The following FGD4 variants were observed in gnomAD, a reference collection of about 807,000 sequenced individuals.
FGD4 encodes the protein FYVE, RhoGEF and PH domain containing 4.
FGD4 carries 42 observed loss-of-function variants against 102.0 expected under a neutral mutation model. The ratio of observed to expected loss-of-function variants is 0.41; its 90% CI spans 0.32 to 0.53. FGD4 has a LOEUF of 0.53. Ranked by LOEUF, FGD4 falls within the 20% of genes least tolerant of loss-of-function variation. The probability of loss-of-function intolerance (pLI) is 0.21; values close to 1 mark genes in which losing one functional copy is unlikely to be tolerated. For synonymous variants in FGD4, 380 were observed against 375.7 expected, an observed-to-expected ratio of 1.01 and a Z score of -0.13; for missense variants, 902 against 1,078.2, an observed-to-expected ratio of 0.84 and a Z score of 2.29.
intron 1 of FGD4, among the ~76,000 whole-genome samples, chr12:32,455,436 G>C (rs1346604367): frequency 6.6e-6 from 1 of 151,874 alleles, no homozygotes; most frequent in Non-Finnish European, 1.5e-5. Flanking sequence ...ATAGATTTTG[G>C]AATATTATAT....
chr12:32,436,702 A>G (rs1942241338), intron 1 of FGD4, among the ~76,000 whole-genome samples: 1 of 152,180 alleles, frequency 6.6e-6, no homozygotes, highest in Admixed American at 6.5e-5. Flanking sequence ...CAATTTGGTT[A>G]TGACACTAGG....
chr12:32,588,715 AAG>A (rs946134980), intron 4 of FGD4, among the ~76,000 whole-genome samples: 2 of 152,320 alleles, frequency 1.3e-5, no homozygotes, highest in East Asian at 3.9e-4. Flanking sequence ...GAATTCAAGA[AAG>A]AGAAAAAGCA....
intron 11 of FGD4, among the ~76,000 whole-genome samples, chr12:32,622,950 A>G (rs1385284592): frequency 1.3e-5 from 2 of 152,210 alleles, no homozygotes; most frequent in African/African-American, 4.8e-5. Context: ...AGAGTGCCAT[A>G]GGAATTATGT....
chr12:32,418,778 GT>G (rs1295933280), intron 1 of FGD4, among the ~76,000 whole-genome samples: 1 of 152,212 alleles, frequency 6.6e-6, no homozygotes, highest in Non-Finnish European at 1.5e-5. Flanking sequence ...AGCCAGCCAG[GT>G]TTGTGCCCTT....
Position 32,640,698 on chromosome 12 carries a change from G to A in FGD4, c.*165G>A, listed in dbSNP as rs1951118652. Reference sequence around the variant, plus strand: ...TGTTTATGTACTCTTAGTGAAATTAGTGTGCAGAGTCATTCTACCGATAAA... The same window carrying A: ...TGTTTATGTACTCTTAGTGAAATTAATGTGCAGAGTCATTCTACCGATAAA... On this transcript the variant is annotated 3_prime_UTR_variant, in exon 17 of 17. Transcript: ENST00000534526. 1.1e-5 allele frequency: 10 copies of A among 929,096 alleles called. No individual in the cohort carries two copies. The South Asian group carries it at 1.6e-4, about 15-fold the overall frequency. The allele number at this position is 929,096 out of a possible 1,614,324, so 57.6% of individuals were successfully genotyped here.
At chr12:32,575,697 A>G (rs549118546) in intron 2 of FGD4, among the ~76,000 whole-genome samples, 1 of 152,340 alleles carries the variant, frequency 6.6e-6, no homozygotes, top group South Asian at 2.1e-4. Flanking sequence ...TGAGAGAACT[A>G]TAAAGTATAA....
chr12:32,502,355 A>G (rs905934733), intron 1 of FGD4: 2 of 985,080 alleles, frequency 2.0e-6, no homozygotes, highest in Non-Finnish European at 2.4e-6. Flanking sequence ...AACCCTAGTA[A>G]TATGTATCCA....
chr12:32,450,023 C>T (rs1942729405), intron 1 of FGD4, among the ~76,000 whole-genome samples: 1 of 152,134 alleles, frequency 6.6e-6, no homozygotes, highest in South Asian at 2.1e-4. Flanking sequence ...ACCTCCGTCT[C>T]CCTGGTTCAA....
At chr12:32,477,480 G>C (rs905443988) in intron 1 of FGD4, 19 of 152,372 alleles carry the variant, frequency 1.2e-4, no homozygotes, top group Non-Finnish European at 4.4e-5. Context: ...ACCATTGGAA[G>C]AAATTTTAAA....
intron 1 of FGD4, among the ~76,000 whole-genome samples, chr12:32,435,530 A>G (rs569575463): frequency 1.1e-5 from 1 of 89,294 alleles, no homozygotes; most frequent in Non-Finnish European, 2.1e-5. Context: ...TTAAATGACT[A>G]AGTTGGAATT....
chr12:32,438,083 G>A (rs1942294202), intron 1 of FGD4, among the ~76,000 whole-genome samples: 1 of 152,184 alleles, frequency 6.6e-6, no homozygotes, highest in Non-Finnish European at 1.5e-5. Flanking sequence ...GTAGAGACTG[G>A]GTTTCGCTGT....
intron 1 of FGD4, among the ~76,000 whole-genome samples, chr12:32,546,616 G>A (rs182050145): frequency 1.3e-3 from 194 of 152,204 alleles, no homozygotes; most frequent in African/African-American, 4.5e-3. Flanking sequence ...CCCTGAGGAG[G>A]TTTGGGTCAG....
At chr12:32,520,793 C>A (rs1940461638) in intron 1 of FGD4, among the ~76,000 whole-genome samples, 1 of 152,032 alleles carries the variant, frequency 6.6e-6, no homozygotes, top group South Asian at 2.1e-4. Context: ...CTAACTCTTA[C>A]CTACATTGTG....
chr12:32,605,727 C>T (rs1330221833), intron 7 of FGD4, among the ~76,000 whole-genome samples: 1 of 152,222 alleles, frequency 6.6e-6, no homozygotes, highest in African/African-American at 2.4e-5. Context: ...TATTAGGTGA[C>T]ACCATTATCC....
chr12:32,564,954 G>T (rs1016168673), intron 2 of FGD4, among the ~76,000 whole-genome samples: 6 of 152,160 alleles, frequency 3.9e-5, no homozygotes, highest in Non-Finnish European at 5.9e-5. Flanking sequence ...TTTTGAAATG[G>T]AACACAAAAG....
At chr12:32,530,941 G>GGTTTTTTTT (rs1941730134) in intron 1 of FGD4, among the ~76,000 whole-genome samples, 3 of 70,466 alleles carry the variant, frequency 4.3e-5, no homozygotes, top group East Asian at 1.0e-3. Context: ...CCTAGCTTTG[G>GGTTTTTTTT]TTTTTTTTTT....
At chr12:32,450,907 A>G (rs569078755) in intron 1 of FGD4, among the ~76,000 whole-genome samples, 2 of 152,264 alleles carry the variant, frequency 1.3e-5, no homozygotes, top group African/African-American at 2.4e-5. Context: ...CTGTGTAACC[A>G]GTCTCCCATT....
At chr12:32,577,339 T>G (rs1946210128) in intron 3 of FGD4, among the ~76,000 whole-genome samples, 1 of 152,238 alleles carries the variant, frequency 6.6e-6, no homozygotes, top group Admixed American at 6.5e-5. Flanking sequence ...ATATTTTCAT[T>G]CATTTCAGTG....
chr12:32,543,914 A>C (rs1224121625), intron 1 of FGD4, among the ~76,000 whole-genome samples: 1 of 152,126 alleles, frequency 6.6e-6, no homozygotes, highest in East Asian at 1.9e-4. Flanking sequence ...GGTGTGAGCC[A>C]CCGCACCCAG....
Sources: allele counts gnomAD v4.1 joint callset (sites outside exome capture counted in the v4.1 genomes callset), GRCh38; gene constraint gnomAD v4.1.1; transcripts MANE v1.5; gene names NCBI Gene and HGNC (gene_info 2026-07-23, HGNC 2026-07-21).